ANK3: variants seen among roughly 807,000 people sequenced by gnomAD.
The protein encoded by ANK3 is ankyrin 3, also known as ankyrin-3.
In ANK3, 57 loss-of-function variants were observed where a neutral mutation model predicts 370.9. The observed-to-expected ratio is 0.15, with a 90% CI of 0.12 to 0.19. The LOEUF (loss-of-function observed/expected upper bound fraction) is 0.19, where lower values mean the gene tolerates loss of function less well. Among genes scored for constraint, ANK3 ranks in the 10% least tolerant of loss-of-function variants. The pLI, the probability that ANK3 is intolerant of heterozygous loss-of-function variation, is 1.00. For synonymous variants in ANK3, 1,929 were observed against 1,946.3 expected (o/e 0.99, Z 0.23); for missense variants, 4,439 against 5,302.1 (o/e 0.84, Z 5.06).
chr10:60,076,414 G>A lies in ANK3; in HGVS notation c.4467C>T (p.Pro1489=), dbSNP rs752307777. ...ERSTGATRSL[P]TTYSYKPFFS... is the part of the protein sequence containing the mutation. ...AGAATGGCTTGTATGAGTAAGTGGT[G>A]GGGAGGGATCTTGTTGCTCCTGTAC... The change falls in exon 37 of 44, where the codon CCC becomes CCT. Residue 1489 remains proline (P), a synonymous_variant. Transcript: ENST00000280772. 6.2e-6 allele frequency: 10 copies of A among 1,612,368 alleles called. No homozygotes were observed. The East Asian group carries it at 2.2e-4, about 36-fold the overall frequency.
chr10:60,501,997 G>A (rs896284767), intron 2 of ANK3, among the ~76,000 whole-genome samples: 2 of 151,862 alleles, frequency 1.3e-5, no homozygotes, highest in East Asian at 3.9e-4. Flanking sequence ...ATTATGCAGG[G>A]AAAAAAGAGG....
chr10:60,200,525 AG>A (rs987314200), intron 12 of ANK3, among the ~76,000 whole-genome samples: 5 of 152,052 alleles, frequency 3.3e-5, no homozygotes, highest in Admixed American at 2.0e-4. Flanking sequence ...GGAGCCAAGC[AG>A]GGGGGTGAGT....
chr10:60,625,359 A>G (rs1488800377), intron 1 of ANK3, among the ~76,000 whole-genome samples: 2 of 152,160 alleles, frequency 1.3e-5, no homozygotes, highest in South Asian at 2.1e-4. Context: ...ATGTGGTAAT[A>G]GACATTTGAA....
Position 60,070,675 on chromosome 10 carries a change from C to T in ANK3, c.10206G>A (p.Glu3402=). 6.2e-7 allele frequency: 1 copy of T among 1,614,160 alleles called. No individual in the cohort carries two copies. The highest frequency in any genetic ancestry group is 8.5e-7 in the Non-Finnish European group (1 of 1,180,018). ...ITECSIATTA[E]FSHDTDATEI... ...CTGTGGCATCCGTGTCATGAGAAAACTCTGCTGTGGTGGCAATGGAACACT... is the reference window on the plus strand; with the variant it reads ...CTGTGGCATCCGTGTCATGAGAAAATTCTGCTGTGGTGGCAATGGAACACT... Residue 3402 remains glutamate, a synonymous_variant, in exon 37 of 44, where the codon GAG becomes GAA. Coordinates refer to ENST00000280772, the MANE Select transcript of ANK3 (RefSeq NM_020987.5). The surrounding 1 kb of genome is among the most constrained non-coding windows in gnomAD (Gnocchi z 5.7).
chr10:60,129,610 G>A lies in ANK3; in HGVS notation c.2841+4661C>T, dbSNP rs1038901134. Reference sequence around the variant, plus strand: ...CTACTAAAAAATACAAAAATTAGCTGGGCATGGTGGCACATGCCTGTAATT... The same window carrying A: ...CTACTAAAAAATACAAAAATTAGCTAGGCATGGTGGCACATGCCTGTAATT... On this transcript the variant is annotated intron_variant, in intron 25 of 43. Coordinates refer to ENST00000280772, the MANE Select transcript of ANK3 (RefSeq NM_020987.5). Among the ~76,000 whole-genome samples the A allele has an allele frequency of 7.9e-5, 12 of 152,260 alleles. No homozygotes were observed. The East Asian group carries it at 2.3e-3, about 29-fold the overall frequency.
intron 1 of ANK3, among the ~76,000 whole-genome samples, chr10:60,638,251 G>C (rs1450019343): frequency 1.3e-5 from 2 of 152,174 alleles, no homozygotes; most frequent in Admixed American, 1.3e-4. Flanking sequence ...GTTGCCATCA[G>C]CCAGAGTGGA....
intron 1 of ANK3, among the ~76,000 whole-genome samples, chr10:60,319,031 T>C (rs1185853704): frequency 2.0e-5 from 3 of 152,182 alleles, no homozygotes; most frequent in Non-Finnish European, 4.4e-5. Flanking sequence ...CTAATGTACT[T>C]GGTAATGAGG....
chr10:60,293,484 A>G (rs1300184334), intron 1 of ANK3, among the ~76,000 whole-genome samples: 1 of 152,212 alleles, frequency 6.6e-6, no homozygotes, highest in African/African-American at 2.4e-5. Flanking sequence ...TGGTCACCGT[A>G]TCATCTCTAT....
chr10:60,390,549 C>G (rs2063005797), upstream of ANK3, among the ~76,000 whole-genome samples: 1 of 152,084 alleles, frequency 6.6e-6, no homozygotes, highest in Non-Finnish European at 1.5e-5. Context: ...TGAAGTGAAG[C>G]AGCAGCAGTG....
At chr10:60,273,300 T>G (rs1168509279) in intron 4 of ANK3, among the ~76,000 whole-genome samples, 3 of 152,214 alleles carry the variant, frequency 2.0e-5, no homozygotes, top group African/African-American at 7.2e-5. Flanking sequence ...TTCTGAACAG[T>G]TACATACTTC....
At position 60,036,416 on chromosome 10, in the gene ANK3, G is replaced by A. The variant is rs1023996452; in HGVS notation, c.*19+6256C>T. On this transcript the variant is annotated intron_variant, in intron 43 of 43. Coordinates refer to ENST00000280772, the MANE Select transcript of ANK3 (RefSeq NM_020987.5). Reference sequence around the variant, plus strand: ...GGAGCTCTGCGGAAGAGAGAGGTCAGAGGCAATTTTTTTTTTTTTTTTTTT... The same window carrying A: ...GGAGCTCTGCGGAAGAGAGAGGTCAAAGGCAATTTTTTTTTTTTTTTTTTT... Among the ~76,000 whole-genome samples the A allele has an allele frequency of 4.2e-4, 46 of 110,796 alleles. 1 individual carries two copies. The highest frequency in any genetic ancestry group is 1.7e-3 in the African/African-American group (45 of 26,518). The allele number at this position is 110,796 out of a possible 152,430, so 72.7% of individuals were successfully genotyped here.
intron 7 of ANK3, among the ~76,000 whole-genome samples, chr10:60,250,504 A>G (rs1267009283): frequency 2.6e-5 from 4 of 152,154 alleles, no homozygotes; most frequent in Non-Finnish European, 4.4e-5. Flanking sequence ...AGCTGGGACT[A>G]CAGGTGCCTG....
chr10:60,245,954 CATT>C, intron 7 of ANK3, among the ~76,000 whole-genome samples: 1 of 152,172 alleles, frequency 6.6e-6, no homozygotes, highest in South Asian at 2.1e-4. Flanking sequence ...CCATAGTGAT[CATT>C]ATTAAGATAA....
At chr10:60,601,398 C>G (rs1243871365) in intron 2 of ANK3, among the ~76,000 whole-genome samples, 2 of 151,954 alleles carry the variant, frequency 1.3e-5, no homozygotes, top group East Asian at 1.9e-4. Context: ...TGGTAAGTCA[C>G]GATGACAGCA....
intron 23 of ANK3, among the ~76,000 whole-genome samples, chr10:60,160,041 A>G (rs1325254783): frequency 6.6e-5 from 10 of 152,090 alleles, no homozygotes; most frequent in Admixed American, 6.5e-4. Context: ...CAAACTCAAA[A>G]TTTATAGAAG....
chr10:60,275,611 A>G (rs10740018), intron 4 of ANK3, among the ~76,000 whole-genome samples: 69,499 of 151,844 alleles, frequency 0.46, 16,397 homozygotes, highest in East Asian at 0.65. Flanking sequence ...GCTCAATCTG[A>G]ACCATAACCA....
chr10:60,600,659 A>C (rs1286580311), intron 2 of ANK3, among the ~76,000 whole-genome samples: 1 of 152,236 alleles, frequency 6.6e-6, no homozygotes, highest in Non-Finnish European at 1.5e-5. Context: ...GCAGAAGCTC[A>C]ATAAATAATC....
At chr10:60,328,335 T>C (rs1377571421) in intron 1 of ANK3, among the ~76,000 whole-genome samples, 1 of 152,216 alleles carries the variant, frequency 6.6e-6, no homozygotes, top group African/African-American at 2.4e-5. Flanking sequence ...AAAAGTGTTA[T>C]TGCTAAAGAA....
intron 23 of ANK3, among the ~76,000 whole-genome samples, chr10:60,141,271 A>C (rs185058917): frequency 2.9e-4 from 44 of 152,228 alleles, no homozygotes; most frequent in Admixed American, 2.4e-3. Flanking sequence ...TTTTGGCCCA[A>C]GTTCTTTCAA....
Sources: gnomAD v4.1 joint callset for allele counts (sites outside exome capture counted in the v4.1 genomes callset) on GRCh38, gnomAD v4.1.1 for gene constraint, Gnocchi (gnomAD v3.1) non-coding constraint, MANE v1.5 for transcripts, NCBI Gene and HGNC (gene_info 2026-07-23, HGNC 2026-07-21) for gene names.